HCN1: variants seen among roughly 807,000 people sequenced by gnomAD.
HCN1 encodes the protein hyperpolarization activated cyclic nucleotide gated potassium channel 1.
A neutral mutation model predicts 78.9 loss-of-function variants in HCN1; 13 were observed. That is an observed-to-expected ratio of 0.16 (90% CI 0.11 to 0.26). The LOEUF (loss-of-function observed/expected upper bound fraction) is 0.26. HCN1 is among the 10% of genes least tolerant of loss of function. The probability of loss-of-function intolerance (pLI) is 1.00; values close to 1 mark genes in which losing one functional copy is unlikely to be tolerated. For synonymous variants in HCN1, 552 were observed against 455.5 expected (o/e 1.21, Z -2.70); for missense variants, 810 against 1,154.3 (o/e 0.70, Z 4.32).
At chr5:45,327,946 G>A (rs1746268563) in intron 5 of HCN1, among the ~76,000 whole-genome samples, 1 of 151,652 alleles carries the variant, frequency 6.6e-6, no homozygotes, top group Non-Finnish European at 1.5e-5. Flanking sequence ...CACCCAGTTT[G>A]TGGTATTTTG....
intron 1 of HCN1, among the ~76,000 whole-genome samples, chr5:45,647,853 A>G (rs1445361558): frequency 2.0e-5 from 3 of 152,144 alleles, no homozygotes; most frequent in Non-Finnish European, 4.4e-5. Context: ...CCCATATCCA[A>G]TTGATCACCA....
chr5:45,325,246 C>T lies in HCN1; in HGVS notation c.1378-21407G>A, dbSNP rs990643363. 2.6e-5 allele frequency among the ~76,000 whole-genome samples: 4 copies of T among 151,608 alleles called. No homozygotes were observed. In the East Asian group the frequency reaches 7.8e-4, roughly 29 times the overall value. ...GTATTTTTTCTAAATTAGCCAGGTT[C>T]CAATTCAGATTCACATAACTCTTTA... is the stretch of plus-strand genomic sequence containing the variant. On this transcript the variant is annotated intron_variant, in intron 5 of 7. Coordinates refer to ENST00000303230, the MANE Select transcript of HCN1 (RefSeq NM_021072.4).
intron 5 of HCN1, among the ~76,000 whole-genome samples, chr5:45,349,195 A>G (rs541050758): frequency 6.6e-6 from 1 of 152,226 alleles, no homozygotes; most frequent in African/African-American, 2.4e-5. Flanking sequence ...AGTGCAATCA[A>G]ACTAGAACTC....
intron 6 of HCN1, among the ~76,000 whole-genome samples, chr5:45,294,544 A>T (rs1012459247): frequency 1.3e-5 from 2 of 152,020 alleles, no homozygotes; most frequent in Admixed American, 1.3e-4. Context: ...ATGATTGTTA[A>T]GAGGTGAATG....
At chr5:45,446,434 G>A (rs1463158707) in intron 3 of HCN1, among the ~76,000 whole-genome samples, 2 of 152,116 alleles carry the variant, frequency 1.3e-5, no homozygotes, top group Non-Finnish European at 2.9e-5. Flanking sequence ...AAGTGACGGG[G>A]AGAATGGAAC....
chr5:45,323,414 C>G (rs1746165303), intron 5 of HCN1, among the ~76,000 whole-genome samples: 1 of 151,720 alleles, frequency 6.6e-6, no homozygotes, highest in Non-Finnish European at 1.5e-5. Context: ...CTTCACTGGA[C>G]AGTAAGCACT....
rs1487314360 is a variant in HCN1 at position 45,636,863 on chromosome 5, T to C, written c.849+8322A>G. On this transcript the variant is annotated intron_variant, in intron 2 of 7. Coordinates refer to ENST00000303230, the MANE Select transcript of HCN1 (RefSeq NM_021072.4). ...TCTCTAAAAAAAGAGTAATGCATAATAGTATTTATAATTCTTTCAATATCT... is the reference window on the plus strand; with the variant it reads ...TCTCTAAAAAAAGAGTAATGCATAACAGTATTTATAATTCTTTCAATATCT... 2.6e-5 allele frequency among the ~76,000 whole-genome samples: 4 copies of C among 152,084 alleles called. No homozygotes were observed. In the East Asian group the frequency reaches 7.7e-4, roughly 29 times the overall value.
At chr5:45,469,655 G>GT (rs1281039533) in intron 2 of HCN1, among the ~76,000 whole-genome samples, 1 of 151,676 alleles carries the variant, frequency 6.6e-6, no homozygotes, top group Admixed American at 6.6e-5. Context: ...ATTTTCTGAA[G>GT]TTTTTTTCTA....
chr5:45,683,206 A>G (rs751175227), intron 1 of HCN1, among the ~76,000 whole-genome samples: 4 of 152,052 alleles, frequency 2.6e-5, no homozygotes, highest in Non-Finnish European at 5.9e-5. Context: ...ATAAAAATGG[A>G]TTTTACTCAA....
At chr5:45,565,843 C>A (rs1042699899) in intron 2 of HCN1, among the ~76,000 whole-genome samples, 20 of 152,052 alleles carry the variant, frequency 1.3e-4, no homozygotes, top group African/African-American at 2.4e-5. Context: ...ATTAAGTATT[C>A]TATTTGTTAA....
intron 3 of HCN1, among the ~76,000 whole-genome samples, chr5:45,410,406 G>T (rs1740001505): frequency 6.6e-6 from 1 of 151,906 alleles, no homozygotes; most frequent in Non-Finnish European, 1.5e-5. Context: ...TCTATTTCAG[G>T]CAAAAGTACT....
chr5:45,657,530 T>C (rs957808720), intron 1 of HCN1, among the ~76,000 whole-genome samples: 2 of 152,216 alleles, frequency 1.3e-5, no homozygotes, highest in Admixed American at 6.5e-5. Context: ...AAATTATTTA[T>C]AAATTTACTA....
At chr5:45,459,307 C>T (rs143478707) in intron 3 of HCN1, among the ~76,000 whole-genome samples, 182 of 151,252 alleles carry the variant, frequency 1.2e-3, no homozygotes, top group African/African-American at 2.4e-3. Flanking sequence ...ACATACATGA[C>T]GGTTTCCTTC....
intron 2 of HCN1, among the ~76,000 whole-genome samples, chr5:45,629,585 A>G (rs1745233800): frequency 6.6e-6 from 1 of 152,146 alleles, no homozygotes; most frequent in Non-Finnish European, 1.5e-5. Flanking sequence ...AATTCTTTAA[A>G]AAACAAAGTC....
intron 1 of HCN1, among the ~76,000 whole-genome samples, chr5:45,670,710 G>GA (rs906266868): frequency 1.3e-5 from 2 of 151,498 alleles, no homozygotes; most frequent in African/African-American, 2.4e-5. Context: ...TGTCTACTGG[G>GA]AAAAAAGTCG....
intron 5 of HCN1, among the ~76,000 whole-genome samples, chr5:45,324,621 A>G (rs1746199110): frequency 6.6e-6 from 1 of 151,826 alleles, no homozygotes; most frequent in Non-Finnish European, 1.5e-5. Flanking sequence ...GAGACAGGTG[A>G]AAAAGAAGAT....
At chr5:45,572,820 AGTGTT>A (rs1436869376) in intron 2 of HCN1, among the ~76,000 whole-genome samples, 2 of 152,176 alleles carry the variant, frequency 1.3e-5, no homozygotes, top group Non-Finnish European at 2.9e-5. Context: ...GGGACTTTGT[AGTGTT>A]GTGAATAGGG....
At chr5:45,685,746 C>G (rs1340638341) in intron 1 of HCN1, among the ~76,000 whole-genome samples, 1 of 152,152 alleles carries the variant, frequency 6.6e-6, no homozygotes, top group Non-Finnish European at 1.5e-5. Flanking sequence ...TGCTAACTGC[C>G]TCATGACTAG....
intron 2 of HCN1, among the ~76,000 whole-genome samples, chr5:45,598,870 T>C (rs966522105): frequency 5.9e-5 from 9 of 152,138 alleles, no homozygotes; most frequent in African/African-American, 1.9e-4. Flanking sequence ...TGAGATACCA[T>C]CTCACACTAG....
Sources: gnomAD v4.1 joint callset for allele counts (sites outside exome capture counted in the v4.1 genomes callset) on GRCh38, gnomAD v4.1.1 for gene constraint, MANE v1.5 for transcripts, NCBI Gene and HGNC (gene_info 2026-07-23, HGNC 2026-07-21) for gene names.